STAT2: variants seen among roughly 807,000 people sequenced by gnomAD.
STAT2 encodes the protein interferon alpha induced transcriptional activator.
Under a neutral mutation model 122.3 loss-of-function variants are expected in STAT2, and 51 were observed. The ratio of observed to expected loss-of-function variants is 0.42; its 90% CI spans 0.33 to 0.53. STAT2 has a LOEUF of 0.53. Ranked by LOEUF, STAT2 falls within the 20% of genes least tolerant of loss-of-function variation. The pLI, the probability that STAT2 is intolerant of heterozygous loss-of-function variation, is 0.10. For synonymous variants in STAT2, 351 were observed against 394.9 expected (o/e 0.89, Z 1.32); for missense variants, 736 against 1,010.3 (o/e 0.73, Z 3.68).
Position 56,343,417 on chromosome 12 carries a change from T to A in STAT2, c.2528A>T (p.Asp843Val), listed in dbSNP as rs766059622. 2 of 1,613,966 alleles carry A rather than the reference T, an allele frequency of 1.2e-6. No individual in the cohort carries two copies. The highest frequency in any genetic ancestry group is 1.3e-5 in the African/African-American group (1 of 74,918). Residue 843 changes from aspartate to valine, a missense_variant, in exon 24 of 24, where the codon GAT (aspartate) becomes GTT (valine). Asp to Val is a radical substitution (Grantham distance 152). Transcript: ENST00000314128. Reference protein sequence around the residue: ...YVSRPSHFYTDGPLMPSDF With the variant: ...YVSRPSHFYTVGPLMPSDF ...GAAGTCAGAAGGCATCAAGGGTCCA[T>A]CAGTGTAGAAGTGGCTGGGGCGGGA...
intron 3 of STAT2, 65 bp from the exon 4 acceptor site, chr12:56,355,868 C>A (rs1293619174): frequency 1.3e-6 from 2 of 1,495,362 alleles, no homozygotes; most frequent in Non-Finnish European, 1.9e-6. Flanking sequence ...TTGCCCTAGA[C>A]CCTCCCCACC....
Position 56,350,908 on chromosome 12 carries a change from TA to T in STAT2, c.1035-21del, listed in dbSNP as rs758095082. The T allele has an allele frequency of 2.5e-6, 4 of 1,613,810 alleles. No individual in the cohort carries two copies. The highest frequency in any genetic ancestry group is 4.5e-5 in the East Asian group (2 of 44,864). On this transcript the variant is annotated intron_variant, in intron 10 of 23. Coordinates refer to ENST00000314128, the MANE Select transcript of STAT2 (RefSeq NM_005419.4). Reference sequence around the variant, plus strand: ...AGCAGCCTGGGGGAAGGAAGGGGGATAGGGGAAAGTGGTCAACCTCAACCTT... The same window carrying T: ...AGCAGCCTGGGGGAAGGAAGGGGGATGGGGAAAGTGGTCAACCTCAACCTT...
rs2136033628 is a variant in STAT2, at chr12:56,343,939, G to C, written c.2299C>G (p.Leu767Val). The C allele has an allele frequency of 1.2e-6, 2 of 1,614,182 alleles. No homozygotes were observed. Among genetic ancestry groups the C allele is most frequent in the Non-Finnish European group, 1.7e-6 (2 of 1,180,028 alleles). Residue 767 changes from leucine (L) to valine (V), a missense_variant, in exon 23 of 24, where the codon CTA (leucine) becomes GTA (valine). Leu to Val is a conservative substitution (Grantham distance 32). Coordinates refer to ENST00000314128, the MANE Select transcript of STAT2 (RefSeq NM_005419.4). ...GGCACTGTTTGTGATACCATGCATA[G>C]TGTGGGCTCTATCACAGGCTCCAGA... ...STLEPVIEPTLCMVSQTVPEP... is the reference protein window; with the variant it reads ...STLEPVIEPTVCMVSQTVPEP...
chr12:56,344,085 A>AGCTCTG lies in STAT2; in HGVS notation c.2147_2152dup (p.Pro716_Glu717dup). The AGCTCTG allele has an allele frequency of 6.3e-7, 1 of 1,590,346 alleles. No individual in the cohort carries two copies. The highest frequency in any genetic ancestry group is 1.1e-5 in the South Asian group (1 of 88,966). On this transcript the variant is annotated inframe_insertion, in exon 23 of 24. Transcript: ENST00000314128. ...CCCTAGTTCCAGCTCTAATGACTCC[A>AGCTCTG]GCTCTGGCTCTGGCTTAAGCTCCAG...
chr12:56,355,581 T>A (rs1208200073), intron 4 of STAT2, 49 bp from the exon 5 acceptor site: 1 of 1,606,814 alleles, frequency 6.2e-7, no homozygotes, highest in Non-Finnish European at 8.5e-7. Context: ...TTTCATGCCT[T>A]AAGTTCAGGC....
chr12:56,343,715 A>G, intron 23 of STAT2, 110 bp downstream of exon 23: 1 of 1,547,756 alleles, frequency 6.5e-7, no homozygotes, highest in Non-Finnish European at 8.7e-7. Flanking sequence ...CACAGAATGG[A>G]CCTCTCTCCA....
At chr12:56,355,849 A>G (rs1879427756) in intron 3 of STAT2, 46 bp from the exon 4 acceptor site, 1 of 1,569,268 alleles carries the variant, frequency 6.4e-7, no homozygotes, top group East Asian at 2.2e-5. Context: ...AACCACTCTC[A>G]ATGACCTATT....
intron 21 of STAT2, 113 bp from the exon 22 acceptor site, chr12:56,346,316 TC>T: frequency 6.4e-7 from 1 of 1,554,852 alleles, no homozygotes; most frequent in Non-Finnish European, 8.8e-7. Flanking sequence ...ACCAGCAGTA[TC>T]CCATGGACGA....
At chr12:56,355,916 G>T in intron 3 of STAT2, 113 bp from the exon 4 acceptor site, 1 of 1,302,538 alleles carries the variant, frequency 7.7e-7, no homozygotes. Flanking sequence ...GGGGTTCTTA[G>T]CCCTTTGTCT....
rs1342437352 is a variant in STAT2 at position 56,344,155 on chromosome 12, C to G, written c.2103-20G>C. 1 of 1,543,052 alleles carries G rather than the reference C, an allele frequency of 6.5e-7. No homozygotes were observed. ...ACCTGTCTGGATACCCAAAGACAGA[C>G]AAAGGGGCAGGGCTCAGTGGTTCAA... On this transcript the variant is annotated intron_variant, in intron 22 of 23. Coordinates refer to ENST00000314128, the MANE Select transcript of STAT2 (RefSeq NM_005419.4).
At position 56,343,444 on chromosome 12, in the gene STAT2, A is replaced by T; in HGVS notation, c.2501T>A (p.Val834Asp). ...AGQNTVDEVY[V>D]SRPSHFYTDG... ...AGTGTAGAAGTGGCTGGGGCGGGAG[A>T]CGTAAACCTCATCCACGGTGTTCTG... Residue 834 changes from valine (V) to aspartate (D), a missense_variant, in exon 24 of 24, where the codon GTC (valine) becomes GAC (aspartate). Val to Asp is a radical substitution (Grantham distance 152). Coordinates refer to ENST00000314128, the MANE Select transcript of STAT2 (RefSeq NM_005419.4). The T allele has an allele frequency of 6.2e-7, 1 of 1,614,076 alleles. No individual in the cohort carries two copies. The highest frequency in any genetic ancestry group is 8.5e-7 in the Non-Finnish European group (1 of 1,180,002).
chr12:56,348,149 G>A (rs529253724), intron 19 of STAT2, among the ~76,000 whole-genome samples: 55 of 146,206 alleles, frequency 3.8e-4, no homozygotes, highest in Non-Finnish European at 7.6e-4. Context: ...GGGCAGTGAC[G>A]CAATCTCGGC....
rs774277532 is a variant in STAT2, at chr12:56,355,535, G to GA, written c.382-4dup. 8.1e-6 allele frequency: 13 copies of GA among 1,613,990 alleles called. No homozygotes were observed. The Admixed American group carries it at 1.5e-4, about 19-fold the overall frequency. On this transcript the variant is annotated splice_polypyrimidine_tract_variant and splice_region_variant and intron_variant, in intron 4 of 23. Coordinates refer to ENST00000314128, the MANE Select transcript of STAT2 (RefSeq NM_005419.4). ...TCGAGAACTGGCTCTCCTTGTTCCT[G>GA]AAAAAAGAGGCTCTGAGCACGTTTT...
intron 20 of STAT2, 25 bp from the exon 21 acceptor site, chr12:56,346,649 C>A (rs577335722): frequency 2.5e-6 from 4 of 1,612,626 alleles, no homozygotes; most frequent in Admixed American, 3.3e-5. Context: ...CAGGAACAGG[C>A]GGGCTTGAGG....
intron 16 of STAT2, 37 bp downstream of exon 16, chr12:56,349,126 C>A: frequency 1.2e-6 from 2 of 1,614,080 alleles, no homozygotes; most frequent in Non-Finnish European, 1.7e-6. Context: ...CCACACCCCT[C>A]CTCTCGCGCC....
At chr12:56,345,524 A>AAAAAATATATAT (rs1555169410) in intron 22 of STAT2, among the ~76,000 whole-genome samples, 2 of 26,250 alleles carry the variant, frequency 7.6e-5, no homozygotes, top group East Asian at 2.3e-3. Flanking sequence ...AAAAAAAAAA[A>AAAAAATATATAT]ATATATATAT....
Position 56,344,054 on chromosome 12 carries a change from C to T in STAT2, c.2184G>A (p.Val728=). 1 of 1,610,828 alleles carries T rather than the reference C, an allele frequency of 6.2e-7. No homozygotes were observed. Among genetic ancestry groups the T allele is most frequent in the Non-Finnish European group, 8.5e-7 (1 of 1,178,144 alleles). The change falls in exon 23 of 24, where the codon GTG becomes GTA. Residue 728 remains valine, a synonymous_variant. Transcript: ENST00000314128. The stretch of plus-strand genomic sequence containing the variant: ...AGTCCAGGCTGAGCTCTGGCTCTGG[C>T]ACCAGCCCTAGTTCCAGCTCTAATG... ...LESLELELGL[V]PEPELSLDLE...
chr12:56,347,921 T>C (rs999970683), intron 19 of STAT2, among the ~76,000 whole-genome samples: 3 of 152,100 alleles, frequency 2.0e-5, no homozygotes, highest in Non-Finnish European at 4.4e-5. Flanking sequence ...CTTGGGTAAG[T>C]TCTTTAACTT....
chr12:56,346,537 A>C lies in STAT2; in HGVS notation c.1949T>G (p.Leu650Trp). 2 of 1,614,188 alleles carry C rather than the reference A, an allele frequency of 1.2e-6. No homozygotes were observed. The highest frequency in any genetic ancestry group is 1.7e-6 in the Non-Finnish European group (2 of 1,180,036). ...TTCAGGTATATTCTCCTCAGTGAGC[A>C]ACTGGTAATGGCGGATGATTTCAGT... Reference protein sequence around the residue: ...PLTEIIRHYQLLTEENIPENP... With the variant: ...PLTEIIRHYQWLTEENIPENP... Residue 650 changes from leucine to tryptophan, a missense_variant, in exon 21 of 24, where the codon TTG becomes TGG. Leu to Trp is a moderately conservative substitution (Grantham distance 61, BLOSUM62 -2). Coordinates refer to ENST00000314128, the MANE Select transcript of STAT2 (RefSeq NM_005419.4).
Sources: allele counts gnomAD v4.1 joint callset (sites outside exome capture counted in the v4.1 genomes callset), GRCh38; gene constraint gnomAD v4.1.1; transcripts MANE v1.5; gene names NCBI Gene and HGNC (gene_info 2026-07-23, HGNC 2026-07-21).